Variants in RBFOX3 observed in about 807,000 individuals in gnomAD.
The protein encoded by RBFOX3 is RNA binding protein fox-1 homolog 3.
In RBFOX3, 17 loss-of-function variants were observed where a neutral mutation model predicts 48.7. The ratio of observed to expected loss-of-function variants is 0.35; its 90% CI spans 0.24 to 0.52. RBFOX3 has a LOEUF of 0.52. Ranked by LOEUF, RBFOX3 falls within the 20% of genes least tolerant of loss-of-function variation. The pLI, the probability that RBFOX3 is intolerant of heterozygous loss-of-function variation, is 0.94. For synonymous variants in RBFOX3, 212 were observed against 209.5 expected (o/e 1.01, Z -0.10); for missense variants, 382 against 497.5 (o/e 0.77, Z 2.21).
intron 3 of RBFOX3, among the ~76,000 whole-genome samples, chr17:79,246,614 C>T (rs899643264): frequency 1.2e-4 from 19 of 152,234 alleles, no homozygotes; most frequent in Non-Finnish European, 2.4e-4. Context: ...TCCCCCTGCT[C>T]CCGGGTGTGG....
chr17:79,261,577 C>G (rs139249330), intron 3 of RBFOX3, among the ~76,000 whole-genome samples: 297 of 152,314 alleles, frequency 1.9e-3, no homozygotes, highest in African/African-American at 6.8e-3. Context: ...CTCCACAGTG[C>G]AGAGTCAATG....
intron 4 of RBFOX3, among the ~76,000 whole-genome samples, chr17:79,222,129 C>CTG (rs59063835): frequency 3.9e-5 from 6 of 151,982 alleles, no homozygotes; most frequent in South Asian, 2.1e-4. Context: ...TGATTTCTAC[C>CTG]CGCAGCCTGA....
the RBFOX3 span, among the ~76,000 whole-genome samples, chr17:79,633,806 G>C: frequency 6.6e-6 from 1 of 152,176 alleles, no homozygotes; most frequent in Admixed American, 6.5e-5. Context: ...CAGTGAGTGG[G>C]AGTTTCTAAG....
intron 2 of RBFOX3, among the ~76,000 whole-genome samples, chr17:79,327,859 C>T (rs1168858204): frequency 6.6e-6 from 1 of 152,186 alleles, no homozygotes; most frequent in East Asian, 1.9e-4. Flanking sequence ...CCACACCTGG[C>T]TAATTTTTGT....
intron 1 of RBFOX3, among the ~76,000 whole-genome samples, chr17:79,484,930 T>C (rs1434519216): frequency 6.6e-6 from 1 of 152,200 alleles, no homozygotes; most frequent in Non-Finnish European, 1.5e-5. Flanking sequence ...CCTGGTCCCC[T>C]TGGGGCTTTC....
At chr17:79,517,139 A>T (rs1467079236) in intron 1 of RBFOX3, among the ~76,000 whole-genome samples, 2 of 152,022 alleles carry the variant, frequency 1.3e-5, no homozygotes, top group Non-Finnish European at 2.9e-5. Context: ...TGTCATGTGT[A>T]TTTTATCACA....
chr17:79,163,899 T>C lies in RBFOX3; in HGVS notation c.-33-48151A>G, dbSNP rs1049669256. Among the ~76,000 whole-genome samples the C allele has an allele frequency of 3.3e-5, 5 of 152,306 alleles. No homozygotes were observed. In the South Asian group the frequency reaches 1.0e-3, roughly 32 times the overall value. ...CACCCAGCCCAGGCCTCCTGAACTC[T>C]TATGCTGAGCCATGCAAACAGGCTG... On this transcript the variant is annotated intron_variant, in intron 4 of 14. Transcript: ENST00000693108.
chr17:79,486,555 A>G (rs2079637069), intron 1 of RBFOX3, among the ~76,000 whole-genome samples: 1 of 152,142 alleles, frequency 6.6e-6, no homozygotes, highest in African/African-American at 2.4e-5. Context: ...TCACATATGC[A>G]CACGAGCACA....
intron 1 of RBFOX3, among the ~76,000 whole-genome samples, chr17:79,505,319 G>A (rs2082941813): frequency 6.6e-6 from 1 of 152,144 alleles, no homozygotes; most frequent in Non-Finnish European, 1.5e-5. Context: ...GGGGTCCAGA[G>A]TACCCCTGGA....
intron 1 of RBFOX3, among the ~76,000 whole-genome samples, chr17:79,530,198 TG>T (rs2087503527): frequency 6.6e-6 from 1 of 152,176 alleles, no homozygotes; most frequent in African/African-American, 2.4e-5. Context: ...AACCTCCAGC[TG>T]TGCACCACGG....
chr17:79,620,631 A>G, the RBFOX3 span, among the ~76,000 whole-genome samples: 16 of 10,716 alleles, frequency 1.5e-3, no homozygotes, highest in Non-Finnish European at 0.014. Context: ...ACATGCACAC[A>G]CGCACACGCA....
At position 79,212,321 on chromosome 17, in the gene RBFOX3, TC is replaced by T. The variant is rs139427914; in HGVS notation, c.-34+23444del. On this transcript the variant is annotated intron_variant, in intron 4 of 14. Transcript: ENST00000693108. The surrounding 1 kb of genome is among the most constrained non-coding windows in gnomAD (Gnocchi z 4.7). ...CTCCTACGTGACTCCTTTCTCCTCC[TC>T]CCCTCCCCATTTGCCTGGGAGGAAG... 0.043 allele frequency among the ~76,000 whole-genome samples: 6,584 copies of T among 152,010 alleles called. 171 individuals are homozygous for T. Among genetic ancestry groups the T allele is most frequent in the Middle Eastern group, 0.055 (16 of 292 alleles).
chr17:79,207,950 T>C (rs1365209437), intron 4 of RBFOX3, among the ~76,000 whole-genome samples: 1 of 152,178 alleles, frequency 6.6e-6, no homozygotes, highest in African/African-American at 2.4e-5. Context: ...TTTAAAACAG[T>C]ATGGGCCACA....
At chr17:79,246,576 C>T (rs1271095889) in intron 3 of RBFOX3, among the ~76,000 whole-genome samples, 4 of 152,206 alleles carry the variant, frequency 2.6e-5, no homozygotes, top group African/African-American at 9.7e-5. Flanking sequence ...CCGTCCAGTC[C>T]CCACTTGGCT....
chr17:79,469,273 G>A (rs1002453062), intron 2 of RBFOX3, among the ~76,000 whole-genome samples: 8 of 152,174 alleles, frequency 5.3e-5, no homozygotes, highest in South Asian at 2.1e-4. Flanking sequence ...CACTGGTCAC[G>A]AGGTGTCTGA....
Position 79,390,340 on chromosome 17 carries a change from C to T in RBFOX3, c.-174-82516G>A, listed in dbSNP as rs956752538. ...CTCCACTCTGAGTTTGGCTTTGCCACGCTGTGGTTTCATCACGACCATCAC... is the reference window on the plus strand; with the variant it reads ...CTCCACTCTGAGTTTGGCTTTGCCATGCTGTGGTTTCATCACGACCATCAC... On this transcript the variant is annotated intron_variant, in intron 2 of 14. Transcript: ENST00000693108. This position sits in a 1 kb window ranked among gnomAD's most constrained non-coding sequence, Gnocchi z 4.2. Among the ~76,000 whole-genome samples the T allele has an allele frequency of 2.0e-5, 3 of 152,344 alleles. No individual in the cohort carries two copies. The highest frequency in any genetic ancestry group is 1.9e-4 in the East Asian group (1 of 5,184).
intron 1 of RBFOX3, among the ~76,000 whole-genome samples, chr17:79,584,754 T>A (rs1303293764): frequency 7.8e-6 from 1 of 127,894 alleles, no homozygotes. Flanking sequence ...ACACTGGATT[T>A]TTTTATTTTT....
In RBFOX3 at chr17:79,205,607, A is replaced by G. The variant is rs1489410629; in HGVS notation, c.-34+30159T>C. Among the ~76,000 whole-genome samples the G allele has an allele frequency of 1.3e-5, 2 of 152,192 alleles. No individual in the cohort carries two copies. Among genetic ancestry groups the G allele is most frequent in the Non-Finnish European group, 2.9e-5 (2 of 68,030 alleles). ...TAAAGGAAGCAAGGATGAGGTCCCCATCCTATCCTTGTTCAATTCACCTAC... is the reference window on the plus strand; with the variant it reads ...TAAAGGAAGCAAGGATGAGGTCCCCGTCCTATCCTTGTTCAATTCACCTAC... On this transcript the variant is annotated intron_variant, in intron 4 of 14. Coordinates refer to ENST00000693108, the MANE Select transcript of RBFOX3 (RefSeq NM_001350451.2). The surrounding 1 kb of genome is among the most constrained non-coding windows in gnomAD (Gnocchi z 4.5).
At chr17:79,191,645 G>A (rs1485942328) in intron 4 of RBFOX3, among the ~76,000 whole-genome samples, 4 of 152,200 alleles carry the variant, frequency 2.6e-5, no homozygotes, top group South Asian at 2.1e-4. Context: ...GGCCGGCGGC[G>A]GGAGGTAGGG....
Sources: gnomAD v4.1 joint callset for allele counts (sites outside exome capture counted in the v4.1 genomes callset) on GRCh38, gnomAD v4.1.1 for gene constraint, Gnocchi (gnomAD v3.1) non-coding constraint, MANE v1.5 for transcripts, NCBI Gene and HGNC (gene_info 2026-07-23, HGNC 2026-07-21) for gene names.